Variants in STPG2 observed in about 807,000 individuals in gnomAD.
The protein encoded by STPG2 is sperm-tail PG-rich repeat-containing protein 2.
In STPG2, 56 loss-of-function variants were observed where a neutral mutation model predicts 54.2. The ratio of observed to expected loss-of-function variants is 1.03; its 90% CI spans 0.83 to 1.29. STPG2 has a LOEUF of 1.29. Ranked by LOEUF, STPG2 falls within the 50% of genes most tolerant of loss-of-function variation. The pLI is 0.00. For missense variants in STPG2, 596 were observed against 544.9 expected, an observed-to-expected ratio of 1.09 and a Z score of -0.93; for synonymous variants, 200 against 181.8, an observed-to-expected ratio of 1.10 and a Z score of -0.81.
intron 9 of STPG2, among the ~76,000 whole-genome samples, chr4:97,724,961 C>A (rs1307137884): frequency 6.6e-6 from 1 of 151,984 alleles, no homozygotes; most frequent in Non-Finnish European, 1.5e-5. Context: ...TGAGAATACC[C>A]TAGAAAACAC....
chr4:97,911,623 G>C (rs750155103), intron 8 of STPG2, among the ~76,000 whole-genome samples: 1 of 152,192 alleles, frequency 6.6e-6, no homozygotes, highest in Non-Finnish European at 1.5e-5. Context: ...CTCCTCACCA[G>C]GCAAGTCCTT....
chr4:97,522,152 A>G (rs1392953041), intron 4 of STPG2, among the ~76,000 whole-genome samples: 1 of 152,084 alleles, frequency 6.6e-6, no homozygotes, highest in South Asian at 2.1e-4. Flanking sequence ...ATAATTACAA[A>G]TATTAAATTA....
chr4:97,606,105 A>C (rs1161495407), intron 10 of STPG2, among the ~76,000 whole-genome samples: 1 of 151,886 alleles, frequency 6.6e-6, no homozygotes, highest in African/African-American at 2.4e-5. Flanking sequence ...TTCAAAATAC[A>C]GGATGCTGAT....
At chr4:97,745,682 A>T (rs1725402212) in intron 9 of STPG2, among the ~76,000 whole-genome samples, 1 of 151,216 alleles carries the variant, frequency 6.6e-6, no homozygotes, top group African/African-American at 2.4e-5. Flanking sequence ...TTGGGTGAAT[A>T]AAACAGTGCT....
At chr4:97,816,794 GTC>G (rs766426493) in intron 9 of STPG2, among the ~76,000 whole-genome samples, 3 of 136,142 alleles carry the variant, frequency 2.2e-5, no homozygotes, top group African/African-American at 8.2e-5. Flanking sequence ...CTCTCTTTCT[GTC>G]TCTCTCTCTT....
At chr4:97,854,766 T>A (rs1458056010) in intron 8 of STPG2, among the ~76,000 whole-genome samples, 1 of 152,124 alleles carries the variant, frequency 6.6e-6, no homozygotes, top group Non-Finnish European at 1.5e-5. Flanking sequence ...TTAAGTTAAG[T>A]GGTACATGTG....
chr4:97,883,332 G>A (rs1238060789), intron 8 of STPG2, among the ~76,000 whole-genome samples: 1 of 151,766 alleles, frequency 6.6e-6, no homozygotes, highest in Non-Finnish European at 1.5e-5. Flanking sequence ...AGGCTGCAAT[G>A]AGCAGTGATT....
At chr4:97,720,789 A>G (rs753296183) in intron 9 of STPG2, among the ~76,000 whole-genome samples, 4 of 152,024 alleles carry the variant, frequency 2.6e-5, no homozygotes, top group African/African-American at 4.8e-5. Context: ...TCAAATCTCC[A>G]TATTACCACA....
chr4:98,007,678 C>T (rs1232133850), intron 5 of STPG2, among the ~76,000 whole-genome samples: 1 of 151,180 alleles, frequency 6.6e-6, no homozygotes, highest in Non-Finnish European at 1.5e-5. Context: ...TCAATGAGAT[C>T]CAAGAGTAAT....
At chr4:98,126,120 A>G (rs567239230) in intron 3 of STPG2, among the ~76,000 whole-genome samples, 141 of 152,310 alleles carry the variant, frequency 9.3e-4, no homozygotes, top group Admixed American at 3.7e-3. Flanking sequence ...GGCAGCAGAG[A>G]TTCCAAGCCA....
chr4:97,635,174 G>A (rs867924525), intron 10 of STPG2, among the ~76,000 whole-genome samples: 115 of 152,062 alleles, frequency 7.6e-4, no homozygotes, highest in African/African-American at 2.7e-3. Flanking sequence ...GAAGAGAGTG[G>A]GGACCAATAT....
intron 9 of STPG2, among the ~76,000 whole-genome samples, chr4:97,797,696 G>A (rs192863464): frequency 7.4e-4 from 113 of 152,252 alleles, no homozygotes; most frequent in Middle Eastern, 6.8e-3. Flanking sequence ...GATGTTGCTG[G>A]CCTCACAAAT....
chr4:97,781,606 A>G (rs1411789404), intron 9 of STPG2, among the ~76,000 whole-genome samples: 1 of 152,194 alleles, frequency 6.6e-6, no homozygotes, highest in Non-Finnish European at 1.5e-5. Context: ...TCCTGATACT[A>G]AAGCCTGGAA....
chr4:97,638,439 G>T (rs529906445), intron 10 of STPG2, among the ~76,000 whole-genome samples: 1 of 152,238 alleles, frequency 6.6e-6, no homozygotes, highest in South Asian at 2.1e-4. Flanking sequence ...CATGGGCAAG[G>T]ACTTCATGTC....
chr4:97,894,514 C>A (rs1414078764), intron 8 of STPG2, among the ~76,000 whole-genome samples: 1 of 151,866 alleles, frequency 6.6e-6, no homozygotes, highest in Non-Finnish European at 1.5e-5. Flanking sequence ...TCTAGCAACT[C>A]CCATTTCTTA....
At chr4:98,135,330 G>A (rs757894774) in intron 1 of STPG2, among the ~76,000 whole-genome samples, 1 of 151,678 alleles carries the variant, frequency 6.6e-6, no homozygotes, top group African/African-American at 2.4e-5. Context: ...ATAAAATAAT[G>A]TGTTTCTTTT....
intron 10 of STPG2, among the ~76,000 whole-genome samples, chr4:97,667,120 A>G (rs1426216308): frequency 2.0e-5 from 3 of 152,236 alleles, no homozygotes; most frequent in Non-Finnish European, 4.4e-5. Flanking sequence ...AATTGAAAAT[A>G]AATATCCCCA....
At chr4:97,503,954 T>G (rs1446306347) in intron 4 of STPG2, among the ~76,000 whole-genome samples, 5 of 132,154 alleles carry the variant, frequency 3.8e-5, no homozygotes, top group African/African-American at 5.6e-5. Context: ...TATTTTCATA[T>G]TCATATAAAT....
chr4:98,035,992 G>A (rs548373379), intron 5 of STPG2, among the ~76,000 whole-genome samples: 1 of 152,176 alleles, frequency 6.6e-6, no homozygotes, highest in Admixed American at 6.6e-5. Context: ...AATACCTAAT[G>A]TAGATGATGG....
Sources: gnomAD v4.1 joint callset for allele counts (sites outside exome capture counted in the v4.1 genomes callset) on GRCh38, gnomAD v4.1.1 for gene constraint, MANE v1.5 for transcripts, NCBI Gene and HGNC (gene_info 2026-07-23, HGNC 2026-07-21) for gene names.